The following HIBADH variants were observed in gnomAD, a reference collection of about 807,000 sequenced individuals.
The protein encoded by HIBADH is 3-hydroxyisobutyrate dehydrogenase, mitochondrial.
In HIBADH, 25 loss-of-function variants were observed where a neutral mutation model predicts 36.1. The observed-to-expected ratio is 0.69, with a 90% CI of 0.50 to 0.97. The LOEUF (loss-of-function observed/expected upper bound fraction) is 0.97, where lower values mean the gene tolerates loss of function less well. HIBADH is among the 50% of genes least tolerant of loss of function. The pLI, the probability that HIBADH is intolerant of heterozygous loss-of-function variation, is 0.00. For synonymous variants in HIBADH, 160 were observed against 149.5 expected (o/e 1.07, Z -0.51); for missense variants, 421 against 418.0 (o/e 1.01, Z -0.06).
chr7:27,662,151 G>C (rs1419830960), intron 1 of HIBADH, among the ~76,000 whole-genome samples: 1 of 152,182 alleles, frequency 6.6e-6, no homozygotes, highest in East Asian at 1.9e-4. Flanking sequence ...CGTCTTGCTG[G>C]TCAAGGGTGA....
chr7:27,579,010 TA>T (rs1470033007), intron 4 of HIBADH, among the ~76,000 whole-genome samples: 1 of 152,210 alleles, frequency 6.6e-6, no homozygotes, highest in Admixed American at 6.5e-5. Context: ...AGATTATTTT[TA>T]TTTTTAAAGG....
At chr7:27,560,920 C>G (rs911479952) in intron 4 of HIBADH, among the ~76,000 whole-genome samples, 1 of 152,146 alleles carries the variant, frequency 6.6e-6, no homozygotes, top group African/African-American at 2.4e-5. Flanking sequence ...ACATTCCTAC[C>G]AACAGTGCAA....
chr7:27,660,187 C>A (rs1229071786), intron 1 of HIBADH, among the ~76,000 whole-genome samples: 1 of 152,196 alleles, frequency 6.6e-6, no homozygotes, highest in Non-Finnish European at 1.5e-5. Context: ...CTTAAACATA[C>A]TACAAATATC....
intron 4 of HIBADH, among the ~76,000 whole-genome samples, chr7:27,571,943 T>G (rs569943814): frequency 2.0e-5 from 3 of 152,352 alleles, no homozygotes; most frequent in African/African-American, 7.2e-5. Context: ...GTAACCAGCA[T>G]AGACAGACAG....
At chr7:27,596,820 CA>C (rs1785041431) in intron 4 of HIBADH, among the ~76,000 whole-genome samples, 1 of 152,116 alleles carries the variant, frequency 6.6e-6, no homozygotes, top group Non-Finnish European at 1.5e-5. Context: ...CTCCAATGAG[CA>C]TTTCCTTTGA....
chr7:27,649,485 A>G lies in HIBADH; in HGVS notation c.240T>C (p.Asp80=). ...GAAAAGGTCTTACCTGTTCACCTGC[A>G]TCTTGAAACTCTTTGCAGGCATCAG... ...VFPDACKEFQ[D]AGEQVVSSPA... is the part of the protein sequence containing the mutation. Residue 80 remains aspartate (D), a synonymous_variant, in exon 2 of 8, where the codon GAT becomes GAC. Coordinates refer to ENST00000265395, the MANE Select transcript of HIBADH (RefSeq NM_152740.4). 6.2e-7 allele frequency: 1 copy of G among 1,611,494 alleles called. No individual in the cohort carries two copies. The highest frequency in any genetic ancestry group is 8.5e-7 in the Non-Finnish European group (1 of 1,178,964).
chr7:27,633,110 T>C (rs981544446), intron 2 of HIBADH, among the ~76,000 whole-genome samples: 5 of 152,126 alleles, frequency 3.3e-5, no homozygotes, highest in Admixed American at 6.6e-5. Context: ...GATATATGAA[T>C]AGGCATCAGG....
At chr7:27,600,701 A>G (rs1785115664) in intron 4 of HIBADH, among the ~76,000 whole-genome samples, 3 of 152,168 alleles carry the variant, frequency 2.0e-5, no homozygotes, top group African/African-American at 2.4e-5. Flanking sequence ...AGTTGAAATG[A>G]AAAGGTCTTC....
chr7:27,542,939 G>A (rs1784177725), intron 5 of HIBADH, 28 bp downstream of exon 5: 2 of 1,606,604 alleles, frequency 1.2e-6, no homozygotes, highest in Non-Finnish European at 1.7e-6. Context: ...ACATCATCAA[G>A]TCAAGGTCAT....
chr7:27,554,495 T>C (rs1784363709), intron 4 of HIBADH, among the ~76,000 whole-genome samples: 2 of 152,186 alleles, frequency 1.3e-5, no homozygotes, highest in African/African-American at 4.8e-5. Context: ...AAATTCTCAG[T>C]AATCCAATTA....
At chr7:27,546,065 T>C (rs1412397759) in intron 4 of HIBADH, among the ~76,000 whole-genome samples, 1 of 152,198 alleles carries the variant, frequency 6.6e-6, no homozygotes, top group East Asian at 1.9e-4. Context: ...CTTCATAGAT[T>C]GGCTGTGAAT....
chr7:27,538,412 T>C lies in HIBADH; in HGVS notation c.624A>G (p.Ala208=), dbSNP rs201711581. The change falls in exon 6 of 8, where the codon GCA becomes GCG. Residue 208 remains alanine, a synonymous_variant. Coordinates refer to ENST00000265395, the MANE Select transcript of HIBADH (RefSeq NM_152740.4). ...CTAACAGCATGTTGTTGCAGATCTTTGCCGCCTGAAAATAAATTGAGTACA... is the reference window on the plus strand; with the variant it reads ...CTAACAGCATGTTGTTGCAGATCTTCGCCGCCTGAAAATAAATTGAGTACA... The part of the protein sequence containing the change: ...YCGAVGTGQA[A]KICNNMLLAI... 8.7e-6 allele frequency: 14 copies of C among 1,612,598 alleles called. No individual in the cohort carries two copies. In the East Asian group the frequency reaches 3.1e-4, roughly 36 times the overall value.
intron 4 of HIBADH, among the ~76,000 whole-genome samples, chr7:27,628,278 GA>G (rs1451118946): frequency 6.6e-6 from 1 of 151,882 alleles, no homozygotes; most frequent in Non-Finnish European, 1.5e-5. Context: ...AATCATTTGG[GA>G]TATAAGGTAC....
At chr7:27,566,603 ACTTTT>A (rs1208217589) in intron 4 of HIBADH, among the ~76,000 whole-genome samples, 13 of 151,860 alleles carry the variant, frequency 8.6e-5, no homozygotes, top group East Asian at 3.9e-4. Flanking sequence ...GTTTTATTTT[ACTTTT>A]CTTTTTCTAG....
intron 1 of HIBADH, among the ~76,000 whole-genome samples, chr7:27,652,086 T>G (rs1786204947): frequency 6.6e-6 from 1 of 152,198 alleles, no homozygotes; most frequent in Admixed American, 6.5e-5. Flanking sequence ...TGCTAAGCAC[T>G]TTATAAACAG....
chr7:27,631,926 G>T (rs150609207), intron 3 of HIBADH, among the ~76,000 whole-genome samples: 5 of 152,050 alleles, frequency 3.3e-5, no homozygotes, highest in African/African-American at 1.2e-4. Context: ...ACTTTTTTTC[G>T]TATAATAAAA....
At chr7:27,556,009 G>C (rs531217389) in intron 4 of HIBADH, among the ~76,000 whole-genome samples, 1 of 152,076 alleles carries the variant, frequency 6.6e-6, no homozygotes, top group African/African-American at 2.4e-5. Flanking sequence ...AAAATTTAAA[G>C]ATAGTCGTGA....
rs773344259 is a variant in HIBADH, at chr7:27,538,364, A to G, written c.672T>C (p.Ala224=). 3 of 1,612,940 alleles carry G rather than the reference A, an allele frequency of 1.9e-6. No homozygotes were observed. Among genetic ancestry groups the G allele is most frequent in the African/African-American group, 1.3e-5 (1 of 74,904 alleles). ...ACCTGATTCCAAGATTCATAGCTTC[A>G]GCAGTTCCAATCATACTAATAGCTA... ...MLLAISMIGT[A]EAMNLGIRLG... is the part of the protein sequence containing the mutation. Residue 224 remains alanine (A), a synonymous_variant, in exon 6 of 8, where the codon GCT becomes GCC. Transcript: ENST00000265395.
intron 4 of HIBADH, among the ~76,000 whole-genome samples, chr7:27,628,525 G>T (rs1399687677): frequency 6.6e-6 from 1 of 151,988 alleles, no homozygotes; most frequent in Non-Finnish European, 1.5e-5. Context: ...CTATAATCCT[G>T]CCATTCCAAA....
Sources: allele counts gnomAD v4.1 joint callset (sites outside exome capture counted in the v4.1 genomes callset), GRCh38; gene constraint gnomAD v4.1.1; transcripts MANE v1.5; gene names NCBI Gene and HGNC (gene_info 2026-07-23, HGNC 2026-07-21).